The following PRRC2C variants were observed in gnomAD, a reference collection of about 807,000 sequenced individuals.
PRRC2C encodes the protein protein PRRC2C.
Under a neutral mutation model 317.2 loss-of-function variants are expected in PRRC2C, and 72 were observed. That is an observed-to-expected ratio of 0.23 (90% confidence interval 0.19 to 0.28). The LOEUF (loss-of-function observed/expected upper bound fraction) is 0.28. PRRC2C is among the 10% of genes least tolerant of loss of function. PRRC2C has a pLI of 1.00. For missense variants in PRRC2C, 3,074 were observed against 3,459.7 expected (o/e 0.89, Z 2.80); for synonymous variants, 1,296 against 1,205.9 (o/e 1.07, Z -1.55).
chr1:171,586,025 C>A, intron 30 of PRRC2C, among the ~76,000 whole-genome samples: 1 of 150,020 alleles, frequency 6.7e-6, no homozygotes, highest in Non-Finnish European at 1.5e-5. Context: ...AAGTTCTGAC[C>A]TCACTTCGAC....
At chr1:171,550,787 G>A (rs1394577010) in intron 18 of PRRC2C, among the ~76,000 whole-genome samples, 1 of 152,086 alleles carries the variant, frequency 6.6e-6, no homozygotes, top group African/African-American at 2.4e-5. Context: ...TCCCTGCAAA[G>A]GACATGAACT....
rs1647385864 is a variant in PRRC2C, at chr1:171,577,777, T to TAA, written c.7159+140_7159+141insAA. On this transcript the variant is annotated intron_variant, in intron 26 of 34. Coordinates refer to ENST00000647382, the MANE Select transcript of PRRC2C (RefSeq NM_001387844.1). ...TGTAAATATTTAAATTCGCATTTTT[T>TAA]TTTTTTTTTTTTTTTTTTGAGATGG... 90 of 737,144 alleles carry TAA rather than the reference T, an allele frequency of 1.2e-4. 2 individuals are homozygous for TAA. Among genetic ancestry groups the TAA allele is most frequent in the East Asian group, 3.7e-4 (13 of 34,892 alleles). The allele number at this position is 737,144 out of a possible 1,614,324, so 45.7% of individuals were successfully genotyped here.
chr1:171,534,210 C>CTT lies in PRRC2C; in HGVS notation c.1874-1217_1874-1216insTT, dbSNP rs955088578. On this transcript the variant is annotated intron_variant, in intron 12 of 34. Coordinates refer to ENST00000647382, the MANE Select transcript of PRRC2C (RefSeq NM_001387844.1). The stretch of plus-strand genomic sequence containing the variant: ...CCTGTATGGACCATTTGTTAAGACT[C>CTT]TAAGATTTCAGATTTTTTTCATATT... Among the ~76,000 whole-genome samples the CTT allele has an allele frequency of 5.3e-5, 8 of 151,752 alleles. 1 individual carries two copies. The highest frequency in any genetic ancestry group is 7.4e-5 in the Non-Finnish European group (5 of 67,958).
Position 171,545,886 on chromosome 1 carries a change from C to T in PRRC2C, c.4972+199C>T, listed in dbSNP as rs546710585. Among the ~76,000 whole-genome samples the T allele has an allele frequency of 3.9e-5, 6 of 152,184 alleles. 1 individual carries two copies. Among genetic ancestry groups the T allele is most frequent in the African/African-American group, 1.4e-4 (6 of 41,530 alleles). The stretch of plus-strand genomic sequence containing the variant: ...AAACTAAAATAACTCCAGCTTTTAG[C>T]GTAGCCTTGAATGCTTAATAAAATT... On this transcript the variant is annotated intron_variant, in intron 17 of 34. Transcript: ENST00000647382.
chr1:171,504,283 A>G (rs1669764787), intron 1 of PRRC2C, among the ~76,000 whole-genome samples: 1 of 152,214 alleles, frequency 6.6e-6, no homozygotes. Flanking sequence ...TCAAAAAGCA[A>G]AAGTCCAGTT....
At chr1:171,496,199 C>CTTTTTTTTTTTTTTTTTTTT (rs528654548) in intron 1 of PRRC2C, among the ~76,000 whole-genome samples, 3 of 75,660 alleles carry the variant, frequency 4.0e-5, no homozygotes, top group African/African-American at 1.4e-4. Flanking sequence ...ATTTTTGTGC[C>CTTTTTTTTTTTTTTTTTTTT]TTTTTTTTTT....
chr1:171,548,298 T>G (rs947716740), intron 17 of PRRC2C, among the ~76,000 whole-genome samples: 3 of 152,184 alleles, frequency 2.0e-5, no homozygotes, highest in African/African-American at 7.2e-5. Flanking sequence ...CCAGTATTCA[T>G]TTTTCATTTC....
chr1:171,587,545 T>C, intron 31 of PRRC2C, 103 bp from the exon 32 acceptor site: 1 of 788,654 alleles, frequency 1.3e-6, no homozygotes. Context: ...ACTAAGGTTC[T>C]TTGCCCTTTC....
chr1:171,515,865 A>G lies in PRRC2C; in HGVS notation c.526+6A>G. 1 of 1,583,292 alleles carries G rather than the reference A, an allele frequency of 6.3e-7. No individual in the cohort carries two copies. The highest frequency in any genetic ancestry group is 1.4e-5 in the African/African-American group (1 of 73,128). On this transcript the variant is annotated splice_donor_region_variant and intron_variant, in intron 5 of 34. Transcript: ENST00000647382. ...ACCCAGTTTACGTCCACCAAGTAAG[A>G]GTACTTTCTCTTTAATACAAAATGA...
chr1:171,539,882 T>G, intron 15 of PRRC2C, 89 bp from the exon 16 acceptor site: 1 of 1,120,780 alleles, frequency 8.9e-7, no homozygotes, highest in Non-Finnish European at 1.3e-6. Context: ...GAGTCATTGC[T>G]TTCTGTTTTA....
At chr1:171,523,121 A>G in intron 7 of PRRC2C, 100 bp from the exon 8 acceptor site, 1 of 1,138,892 alleles carries the variant, frequency 8.8e-7, no homozygotes. Context: ...TTGGTGTAGA[A>G]AACACTAATG....
Position 171,541,071 on chromosome 1 carries a change from A to G in PRRC2C, c.3605A>G (p.Tyr1202Cys). 1 of 1,613,710 alleles carries G rather than the reference A, an allele frequency of 6.2e-7. No homozygotes were observed. Among genetic ancestry groups the G allele is most frequent in the African/African-American group, 1.3e-5 (1 of 75,048 alleles). Residue 1202 changes from tyrosine to cysteine, a missense_variant, in exon 16 of 35, where the codon TAT becomes TGT. Physicochemically the swap from Tyr to Cys is radical, Grantham distance 194. Coordinates refer to ENST00000647382, the MANE Select transcript of PRRC2C (RefSeq NM_001387844.1). The surrounding 1 kb of genome is among the most constrained non-coding windows in gnomAD (Gnocchi z 4.1). ...RGEYYSRGRSYRGSYGGRGRG... is the reference protein window; with the variant it reads ...RGEYYSRGRSCRGSYGGRGRG... ...GAATATTACTCCAGAGGTCGAAGCT[A>G]TAGAGGTTCTTATGGAGGGCGTGGC... is the stretch of plus-strand genomic sequence containing the variant.
rs1162037639 is a variant in PRRC2C at position 171,540,576 on chromosome 1, A to T, written c.3110A>T (p.Glu1037Val). ...KEEREQRKEKEGEKAEKVTEK... is the reference protein window; with the variant it reads ...KEEREQRKEKVGEKAEKVTEK... ...GAACGGGAACAGAGGAAGGAGAAAG[A>T]AGGAGAAAAGGCCGAAAAGGTCACT... Residue 1037 changes from glutamate (E) to valine (V), a missense_variant, in exon 16 of 35, where the codon GAA (glutamate) becomes GTA (valine). Around this residue, in one of 11 missense-constraint regions of PRRC2C, gnomAD observed 1,320 missense variants for 1,395.7 expected, o/e 0.95. Transcript: ENST00000647382. 1 of 1,613,964 alleles carries T rather than the reference A, an allele frequency of 6.2e-7. No homozygotes were observed. Among genetic ancestry groups the T allele is most frequent in the African/African-American group, 1.3e-5 (1 of 75,032 alleles).
intron 19 of PRRC2C, 34 bp downstream of exon 19, chr1:171,558,177 T>TTG: frequency 6.3e-7 from 1 of 1,575,506 alleles, no homozygotes; most frequent in South Asian, 1.2e-5. Flanking sequence ...GGGTGGGGAA[T>TTG]GGCATAGGAA....
chr1:171,510,567 A>AT (rs1342418157), intron 1 of PRRC2C: 1 of 152,206 alleles, frequency 6.6e-6, no homozygotes, highest in Non-Finnish European at 1.5e-5. Context: ...TTGGTAGTAC[A>AT]TTCTCTTTTC....
chr1:171,539,070 C>T (rs1167653060), intron 15 of PRRC2C, among the ~76,000 whole-genome samples: 1 of 151,454 alleles, frequency 6.6e-6, no homozygotes, highest in East Asian at 1.9e-4. Flanking sequence ...GGTGCCATCT[C>T]AGCTCACCGC....
intron 28 of PRRC2C, among the ~76,000 whole-genome samples, chr1:171,583,059 G>A (rs1246173409): frequency 2.6e-5 from 4 of 151,844 alleles, no homozygotes; most frequent in African/African-American, 9.7e-5. Flanking sequence ...TCACTACCTC[G>A]AACTCCTGAG....
Position 171,545,621 on chromosome 1 carries a change from C to T in PRRC2C, c.4906C>T (p.Pro1636Ser). The T allele has an allele frequency of 6.2e-7, 1 of 1,612,968 alleles. No individual in the cohort carries two copies. Among genetic ancestry groups the T allele is most frequent in the Non-Finnish European group, 8.5e-7 (1 of 1,179,464 alleles). ...STGKKREDPK[P>S]GPKKPKEKVD... ...TGGGAAAAAAAGAGAAGACCCCAAA[C>T]CAGGCCCTAAAAAACCAAAAGAGAA... Residue 1636 changes from proline to serine, a missense_variant, in exon 17 of 35, where the codon CCA becomes TCA. By Grantham distance (74) the Pro-to-Ser change is moderately conservative. Transcript: ENST00000647382.
intron 12 of PRRC2C, 31 bp from the exon 13 acceptor site, chr1:171,535,397 T>C: frequency 6.3e-7 from 1 of 1,589,560 alleles, no homozygotes; most frequent in Non-Finnish European, 8.6e-7. Context: ...CATAGATGAA[T>C]ACTATTACCT....
Sources: allele counts gnomAD v4.1 joint callset (sites outside exome capture counted in the v4.1 genomes callset), GRCh38; gene constraint gnomAD v4.1.1; regional missense constraint gnomAD v4.1.1; non-coding constraint Gnocchi (gnomAD v3.1); transcripts MANE v1.5; gene names NCBI Gene and HGNC (gene_info 2026-07-23, HGNC 2026-07-21).